Variants in WDR41 observed in about 807,000 individuals in gnomAD.
WDR41 encodes the protein WD repeat domain 41, also known as WD repeat-containing protein 41.
WDR41 carries 63 observed loss-of-function variants against 69.3 expected under a neutral mutation model. The observed-to-expected ratio is 0.91, with a 90% CI of 0.74 to 1.12. The LOEUF is 1.12. Among genes scored for constraint, WDR41 ranks in the 50% most tolerant of loss-of-function variants. The probability of loss-of-function intolerance (pLI) is 0.00; values close to 1 mark genes in which losing one functional copy is unlikely to be tolerated. For synonymous variants in WDR41, 185 were observed against 192.1 expected, an observed-to-expected ratio of 0.96 and a Z score of 0.31; for missense variants, 543 against 534.5, an observed-to-expected ratio of 1.02 and a Z score of -0.16.
chr5:77,462,117 A>G (rs1440535866), intron 4 of WDR41, among the ~76,000 whole-genome samples: 1 of 152,054 alleles, frequency 6.6e-6, no homozygotes, highest in East Asian at 1.9e-4. Flanking sequence ...AATAAGAATA[A>G]TTAAAAATAA....
intron 1 of WDR41, among the ~76,000 whole-genome samples, chr5:77,615,583 C>G (rs1476878757): frequency 6.7e-6 from 1 of 149,410 alleles, no homozygotes; most frequent in African/African-American, 2.5e-5. Context: ...ATGGTCAATA[C>G]CATAAACCAA....
At chr5:77,537,223 C>T (rs541161824) in intron 1 of WDR41, among the ~76,000 whole-genome samples, 2 of 152,260 alleles carry the variant, frequency 1.3e-5, no homozygotes, top group African/African-American at 4.8e-5. Context: ...TTAACCATTG[C>T]GTTCGGAAAA....
chr5:77,501,656 C>T (rs1298203419), intron 1 of WDR41, among the ~76,000 whole-genome samples: 1 of 152,156 alleles, frequency 6.6e-6, no homozygotes, highest in African/African-American at 2.4e-5. Context: ...TAGGTGGATG[C>T]CCCTCTGGGA....
At chr5:77,467,309 T>C (rs1800349348) in intron 2 of WDR41, among the ~76,000 whole-genome samples, 1 of 151,972 alleles carries the variant, frequency 6.6e-6, no homozygotes. Flanking sequence ...AAATGTTTCT[T>C]TACCGATTAG....
chr5:77,476,129 A>G (rs1247665053), intron 2 of WDR41, among the ~76,000 whole-genome samples: 2 of 38,760 alleles, frequency 5.2e-5, no homozygotes, highest in African/African-American at 3.7e-4. Flanking sequence ...AGAAAAAAAG[A>G]ATAAAAAGAA....
At chr5:77,578,864 C>CAAAAAAAAAAAAAA (rs55920763) in intron 1 of WDR41, among the ~76,000 whole-genome samples, 2 of 77,198 alleles carry the variant, frequency 2.6e-5, no homozygotes, top group African/African-American at 9.3e-5. Context: ...AACTCCATCT[C>CAAAAAAAAAAAAAA]AAAAAAAAAA....
intron 1 of WDR41, among the ~76,000 whole-genome samples, chr5:77,602,475 T>C (rs1307632178): frequency 2.0e-5 from 3 of 152,184 alleles, no homozygotes; most frequent in Non-Finnish European, 2.9e-5. Context: ...TCAGTTTTTT[T>C]AGCTCCCACA....
chr5:77,512,753 A>C (rs1220186602), intron 1 of WDR41, among the ~76,000 whole-genome samples: 1 of 151,178 alleles, frequency 6.6e-6, no homozygotes, highest in Non-Finnish European at 1.5e-5. Context: ...CTCAAAAAAA[A>C]AAAAAAAAAA....
chr5:77,516,776 T>C (rs1048796656), intron 1 of WDR41, among the ~76,000 whole-genome samples: 2 of 152,118 alleles, frequency 1.3e-5, no homozygotes, highest in African/African-American at 4.8e-5. Context: ...CCTAGCACTT[T>C]GGGAGGCCGA....
At chr5:77,587,358 A>G (rs1295218616) in intron 1 of WDR41, among the ~76,000 whole-genome samples, 1 of 152,148 alleles carries the variant, frequency 6.6e-6, no homozygotes. Flanking sequence ...TGCTGGACAT[A>G]TATCTAGGAG....
intron 2 of WDR41, among the ~76,000 whole-genome samples, chr5:77,481,441 T>C (rs1208981423): frequency 2.0e-5 from 3 of 152,124 alleles, no homozygotes; most frequent in Non-Finnish European, 4.4e-5. Context: ...ATTGAAATAG[T>C]CTACTTGACT....
At chr5:77,537,076 A>G (rs1743001631) in intron 1 of WDR41, among the ~76,000 whole-genome samples, 2 of 152,222 alleles carry the variant, frequency 1.3e-5, no homozygotes, top group African/African-American at 4.8e-5. Flanking sequence ...GCACTGACCA[A>G]TCAAAACAAA....
chr5:77,528,685 T>G (rs1290894926), intron 1 of WDR41, among the ~76,000 whole-genome samples: 1 of 151,604 alleles, frequency 6.6e-6, no homozygotes, highest in Non-Finnish European at 1.5e-5. Context: ...TAACATAATA[T>G]GAGCAAGGCA....
chr5:77,510,419 A>C (rs1271769062), intron 1 of WDR41, among the ~76,000 whole-genome samples: 1 of 152,168 alleles, frequency 6.6e-6, no homozygotes, highest in Non-Finnish European at 1.5e-5. Flanking sequence ...GAGCCAAACC[A>C]TATCACCAGG....
intron 8 of WDR41, among the ~76,000 whole-genome samples, chr5:77,443,782 G>A (rs1337212476): frequency 1.3e-5 from 2 of 151,550 alleles, no homozygotes; most frequent in Non-Finnish European, 2.9e-5. Context: ...AATCCTCCAA[G>A]TGTCTGTGAT....
chr5:77,597,297 A>G (rs1032879680), intron 1 of WDR41, among the ~76,000 whole-genome samples: 1 of 152,124 alleles, frequency 6.6e-6, no homozygotes, highest in African/African-American at 2.4e-5. Flanking sequence ...GAGAGTGGAG[A>G]ATAACTCTTT....
In WDR41 at chr5:77,579,785, C is replaced by T. The variant is rs181021132; in HGVS notation, c.42+40694G>A. Among the ~76,000 whole-genome samples the T allele has an allele frequency of 4.8e-3, 724 of 152,280 alleles. 3 individuals are homozygous for T. The highest frequency in any genetic ancestry group is 0.016 in the African/African-American group (663 of 41,554). ...GAAAAGAAGTATAACTGCATATTTT[C>T]CCCTTTCTTATCTTCACTGATTTAA... On this transcript the variant is annotated intron_variant, in intron 1 of 5. Coordinates refer to the WDR41 transcript ENST00000509971.
intron 1 of WDR41, among the ~76,000 whole-genome samples, chr5:77,558,084 A>G (rs1743442802): frequency 7.9e-6 from 1 of 126,012 alleles, no homozygotes; most frequent in Non-Finnish European, 1.6e-5. Flanking sequence ...GGAACTTCAA[A>G]TGTTCTTTTT....
intron 1 of WDR41, chr5:77,546,264 T>TA: frequency 2.8e-6 from 1 of 354,992 alleles, no homozygotes; most frequent in Non-Finnish European, 5.1e-6. Context: ...GGCTACAACA[T>TA]AGAGTTTTTA....
Sources: gnomAD v4.1 joint callset for allele counts (sites outside exome capture counted in the v4.1 genomes callset) on GRCh38, gnomAD v4.1.1 for gene constraint, MANE v1.5 for transcripts, NCBI Gene and HGNC (gene_info 2026-07-23, HGNC 2026-07-21) for gene names.